EBF1: variants seen among roughly 807,000 people sequenced by gnomAD.
EBF1 encodes the protein EBF transcription factor 1, also known as transcription factor COE1.
EBF1 carries 10 observed loss-of-function variants against 68.4 expected under a neutral mutation model. That is an observed-to-expected ratio of 0.15 (90% CI 0.09 to 0.25). The LOEUF (loss-of-function observed/expected upper bound fraction) is 0.25, where lower values mean the gene tolerates loss of function less well. EBF1 is among the 10% of genes least tolerant of loss of function. The pLI is 1.00. For missense variants in EBF1, 509 were observed against 794.4 expected (o/e 0.64, Z 4.32); for synonymous variants, 298 against 299.8 (o/e 0.99, Z 0.06).
intron 6 of EBF1, among the ~76,000 whole-genome samples, chr5:158,938,673 G>A (rs951345617): frequency 1.3e-5 from 2 of 152,106 alleles, no homozygotes; most frequent in Admixed American, 1.3e-4. Context: ...CACAAAGAAC[G>A]AGAGAGAGAG....
intron 11 of EBF1, among the ~76,000 whole-genome samples, chr5:158,729,213 G>A (rs1035504180): frequency 6.6e-6 from 1 of 152,212 alleles, no homozygotes; most frequent in African/African-American, 2.4e-5. Flanking sequence ...AGGACATTGA[G>A]GCACAGAGAG....
intron 6 of EBF1, among the ~76,000 whole-genome samples, chr5:158,952,622 A>T (rs1386427221): frequency 6.6e-6 from 1 of 152,276 alleles, no homozygotes; most frequent in African/African-American, 2.4e-5. Context: ...AACAGCAAAT[A>T]TAACAATACA....
chr5:158,792,685 A>C (rs898223776), intron 9 of EBF1, among the ~76,000 whole-genome samples: 1 of 152,202 alleles, frequency 6.6e-6, no homozygotes, highest in African/African-American at 2.4e-5. Context: ...CCTCAAGATC[A>C]TGTGGTCTGG....
intron 6 of EBF1, among the ~76,000 whole-genome samples, chr5:158,842,637 A>T (rs1191640703): frequency 1.3e-5 from 2 of 152,216 alleles, no homozygotes; most frequent in African/African-American, 4.8e-5. Context: ...TGTATAGGGA[A>T]ACTGTGAAAA....
intron 7 of EBF1, among the ~76,000 whole-genome samples, chr5:158,839,433 C>A (rs1394686905): frequency 6.6e-6 from 1 of 152,196 alleles, no homozygotes; most frequent in Non-Finnish European, 1.5e-5. Context: ...GTTATCCAGG[C>A]TGGAGTGCAG....
At chr5:158,808,320 T>C (rs1781977413) in intron 8 of EBF1, among the ~76,000 whole-genome samples, 1 of 152,158 alleles carries the variant, frequency 6.6e-6, no homozygotes, top group African/African-American at 2.4e-5. Context: ...TTGTGATTCA[T>C]TTCTACTACA....
chr5:158,752,100 CT>C (rs1320653805), intron 10 of EBF1, among the ~76,000 whole-genome samples: 2 of 151,978 alleles, frequency 1.3e-5, no homozygotes, highest in African/African-American at 4.8e-5. Flanking sequence ...TAAATAGATA[CT>C]CAATAAAAGT....
chr5:158,731,951 A>G (rs992048081), intron 10 of EBF1, among the ~76,000 whole-genome samples: 12 of 152,162 alleles, frequency 7.9e-5, no homozygotes, highest in Admixed American at 5.2e-4. Context: ...CTTAAATTAA[A>G]CACAATATTA....
rs1363197903 is a variant in EBF1, at chr5:158,789,696, C to T, written c.909+6649G>A. On this transcript the variant is annotated intron_variant, in intron 9 of 15. Coordinates refer to ENST00000313708, the MANE Select transcript of EBF1 (RefSeq NM_024007.5). ...TCACAAAATAAGAAACTATACTTGA[C>T]TGAAAAAAGGTTTCTCAAGGCCCTT... Among the ~76,000 whole-genome samples the T allele has an allele frequency of 6.6e-5, 10 of 152,190 alleles. No homozygotes were observed. The South Asian group carries it at 2.1e-3, about 32-fold the overall frequency.
rs554642249 is a variant in EBF1 at position 158,760,880 on chromosome 5, G to A, written c.1036+16533C>T. On this transcript the variant is annotated intron_variant, in intron 10 of 15. Transcript: ENST00000313708. ...GTGATTACTTTAAACTGGGAATTCC[G>A]GTACACTAAATAAGATGCAGTATCT... 1.9e-4 allele frequency among the ~76,000 whole-genome samples: 29 copies of A among 152,140 alleles called. No individual in the cohort carries two copies. The East Asian group carries it at 3.5e-3, about 18-fold the overall frequency.
chr5:159,011,151 C>T (rs1193927771), intron 6 of EBF1, among the ~76,000 whole-genome samples: 1 of 152,198 alleles, frequency 6.6e-6, no homozygotes, highest in Non-Finnish European at 1.5e-5. Flanking sequence ...TCAAGCACAA[C>T]GCTTCTTTTA....
At chr5:158,956,864 T>C (rs1817236581) in intron 6 of EBF1, among the ~76,000 whole-genome samples, 1 of 149,456 alleles carries the variant, frequency 6.7e-6, no homozygotes, top group East Asian at 2.0e-4. Context: ...GTTCACACCA[T>C]TCTCCTGCCT....
At chr5:158,859,656 C>T (rs1326980926) in intron 6 of EBF1, among the ~76,000 whole-genome samples, 1 of 152,176 alleles carries the variant, frequency 6.6e-6, no homozygotes, top group Non-Finnish European at 1.5e-5. Flanking sequence ...TCAAACACTT[C>T]ATCATTTTGG....
chr5:158,980,219 T>C (rs1757629742), intron 6 of EBF1, among the ~76,000 whole-genome samples: 2 of 152,362 alleles, frequency 1.3e-5, no homozygotes, highest in South Asian at 2.1e-4. Flanking sequence ...TCACGTCTCA[T>C]ATGTCAACAG....
In EBF1 at chr5:159,073,354, T is replaced by C. The variant is rs201578724; in HGVS notation, c.554+42A>G. ...CAACACAAGGGCAGGTGTTTCATTATAATGAGGAATAAGAATCCAGTGAAA... is the reference window on the plus strand; with the variant it reads ...CAACACAAGGGCAGGTGTTTCATTACAATGAGGAATAAGAATCCAGTGAAA... On this transcript the variant is annotated intron_variant, in intron 6 of 15. Transcript: ENST00000313708. The C allele has an allele frequency of 2.8e-3, 4,488 of 1,600,980 alleles. 15 individuals are homozygous for C. Among genetic ancestry groups the C allele is most frequent in the Non-Finnish European group, 3.6e-3 (4,211 of 1,168,268 alleles).
chr5:158,708,180 G>T lies in EBF1; in HGVS notation c.1550-7C>A. 1 of 1,570,936 alleles carries T rather than the reference G, an allele frequency of 6.4e-7. No individual in the cohort carries two copies. Among genetic ancestry groups the T allele is most frequent in the Non-Finnish European group, 8.6e-7 (1 of 1,157,202 alleles). Reference sequence around the variant, plus strand: ...GTGGGGCTGGATGGCACTACTGAGAGGGGCAATGAGAAAGGAGAAATCAGT... The same window carrying T: ...GTGGGGCTGGATGGCACTACTGAGATGGGCAATGAGAAAGGAGAAATCAGT... On this transcript the variant is annotated splice_region_variant and splice_polypyrimidine_tract_variant and intron_variant, in intron 14 of 15. Transcript: ENST00000313708.
In EBF1 at chr5:158,698,921, G is replaced by T; in HGVS notation, c.*190C>A. 1 of 469,184 alleles carries T rather than the reference G, an allele frequency of 2.1e-6. No homozygotes were observed. Among genetic ancestry groups the T allele is most frequent in the Non-Finnish European group, 3.8e-6 (1 of 264,878 alleles). The allele number at this position is 469,184 out of a possible 1,614,324, so 29.1% of individuals were successfully genotyped here. Reference sequence around the variant, plus strand: ...GAGGTACAACTTTAACCAACACCCTGCACTTGCAGATCCCTCTTCCAATTT... The same window carrying T: ...GAGGTACAACTTTAACCAACACCCTTCACTTGCAGATCCCTCTTCCAATTT... On this transcript the variant is annotated 3_prime_UTR_variant, in exon 16 of 16. Coordinates refer to ENST00000313708, the MANE Select transcript of EBF1 (RefSeq NM_024007.5).
intron 6 of EBF1, among the ~76,000 whole-genome samples, chr5:158,851,865 G>A (rs1468490687): frequency 7.0e-5 from 5 of 70,970 alleles, no homozygotes; most frequent in Admixed American, 1.4e-4. Flanking sequence ...GGAGAAGAGG[G>A]GAGGTGAAGG....
intron 10 of EBF1, among the ~76,000 whole-genome samples, chr5:158,754,887 T>C (rs1324390295): frequency 6.6e-6 from 1 of 152,142 alleles, no homozygotes; most frequent in African/African-American, 2.4e-5. Context: ...CAAGGAATTT[T>C]TCTTACTTAA....
Sources: gnomAD v4.1 joint callset for allele counts (sites outside exome capture counted in the v4.1 genomes callset) on GRCh38, gnomAD v4.1.1 for gene constraint, MANE v1.5 for transcripts, NCBI Gene and HGNC (gene_info 2026-07-23, HGNC 2026-07-21) for gene names.